Variants in CDH4 observed in about 807,000 individuals in gnomAD.
The protein encoded by CDH4 is cadherin-4.
CDH4 carries 33 observed loss-of-function variants against 86.0 expected under a neutral mutation model. The observed-to-expected ratio is 0.38, with a 90% CI of 0.29 to 0.51. CDH4 has a LOEUF of 0.51. CDH4 is among the 20% of genes least tolerant of loss of function. The pLI is 0.86. For missense variants in CDH4, 1,114 were observed against 1,307.4 expected, an observed-to-expected ratio of 0.85 and a Z score of 2.28; for synonymous variants, 555 against 549.4, an observed-to-expected ratio of 1.01 and a Z score of -0.14.
At chr20:61,716,447 G>C (rs773014116) in intron 2 of CDH4, among the ~76,000 whole-genome samples, 2 of 148,644 alleles carry the variant, frequency 1.3e-5, no homozygotes, top group African/African-American at 2.6e-5. Flanking sequence ...TGGGGCTTTG[G>C]GGGCAGGACC....
At chr20:61,295,751 C>A (rs917654478) in intron 2 of CDH4, among the ~76,000 whole-genome samples, 2 of 152,158 alleles carry the variant, frequency 1.3e-5, no homozygotes, top group Admixed American at 6.5e-5. Flanking sequence ...GGTGGCCAGG[C>A]AGACCCCTGT....
chr20:61,330,452 T>G lies in CDH4; in HGVS notation c.169+75515T>G, dbSNP rs938044757. ...ATCTCATTGTGGTTTTGATTTGCAT[T>G]TCTCTAATGATCAGTGATGTTGAGC... is the stretch of plus-strand genomic sequence containing the variant. On this transcript the variant is annotated intron_variant, in intron 2 of 15. Coordinates refer to ENST00000614565, the MANE Select transcript of CDH4 (RefSeq NM_001794.5). Among the ~76,000 whole-genome samples the G allele has an allele frequency of 2.0e-5, 3 of 152,246 alleles. No individual in the cohort carries two copies. In the East Asian group the frequency reaches 5.8e-4, roughly 29 times the overall value.
chr20:61,271,753 C>T (rs1387688562), intron 2 of CDH4, among the ~76,000 whole-genome samples: 1 of 152,204 alleles, frequency 6.6e-6, no homozygotes, highest in Non-Finnish European at 1.5e-5. Flanking sequence ...GTGCCCCTCA[C>T]GAGATGGTTC....
chr20:61,704,718 C>T (rs1481779352), intron 2 of CDH4, among the ~76,000 whole-genome samples: 1 of 152,174 alleles, frequency 6.6e-6, no homozygotes, highest in African/African-American at 2.4e-5. Context: ...TCTACGGTGT[C>T]AGCCGGGATG....
chr20:61,373,844 C>T (rs1600912238), intron 2 of CDH4, among the ~76,000 whole-genome samples: 1 of 152,182 alleles, frequency 6.6e-6, no homozygotes, highest in African/African-American at 2.4e-5. Flanking sequence ...TGCACAGCAG[C>T]TTGAAGAAGT....
chr20:61,817,263 T>C (rs979782949), intron 4 of CDH4, among the ~76,000 whole-genome samples: 2 of 152,166 alleles, frequency 1.3e-5, no homozygotes, highest in African/African-American at 4.8e-5. Context: ...GGCCCCCGAG[T>C]GAGTGCCCCT....
At chr20:61,406,484 C>A (rs2085083593) in intron 2 of CDH4, among the ~76,000 whole-genome samples, 1 of 147,360 alleles carries the variant, frequency 6.8e-6, no homozygotes, top group Admixed American at 6.7e-5. Context: ...GGACCACCAT[C>A]TGCCATCTGC....
chr20:61,705,131 C>G (rs2087815840), intron 2 of CDH4, among the ~76,000 whole-genome samples: 1 of 152,182 alleles, frequency 6.6e-6, no homozygotes, highest in African/African-American at 2.4e-5. Flanking sequence ...GGGCCTTGTG[C>G]CTAGACCTAG....
intron 2 of CDH4, among the ~76,000 whole-genome samples, chr20:61,438,342 G>A (rs185713070): frequency 5.9e-5 from 9 of 152,242 alleles, no homozygotes; most frequent in Admixed American, 3.3e-4. Context: ...TCTATACCCC[G>A]TGCAATTTGA....
chr20:61,885,144 G>A (rs537732020), intron 7 of CDH4, among the ~76,000 whole-genome samples: 23 of 152,276 alleles, frequency 1.5e-4, no homozygotes, highest in Admixed American at 2.6e-4. Flanking sequence ...TAGCACGTTC[G>A]TGCCTGTGCC....
At chr20:61,507,399 T>G (rs1245461919) in intron 2 of CDH4, among the ~76,000 whole-genome samples, 1 of 152,148 alleles carries the variant, frequency 6.6e-6, no homozygotes, top group African/African-American at 2.4e-5. Context: ...GGAATCCAAA[T>G]GGAGATGGAG....
chr20:61,844,694 C>T lies in CDH4; in HGVS notation c.603C>T (p.Ile201=), dbSNP rs34912551. The part of the protein sequence containing the change: ...VRIRSDKDND[I]PIRYSITGVG... Reference sequence around the variant, plus strand: ...TCCGGTCCGACAAAGACAATGACATCCCCATCCGGTACAGCATCACGGGAG... The same window carrying T: ...TCCGGTCCGACAAAGACAATGACATTCCCATCCGGTACAGCATCACGGGAG... Residue 201 remains isoleucine (I), a synonymous_variant, in exon 5 of 16, where the codon ATC becomes ATT. Coordinates refer to ENST00000614565, the MANE Select transcript of CDH4 (RefSeq NM_001794.5). 68,121 of 1,613,130 alleles carry T rather than the reference C, an allele frequency of 0.042. 1,697 individuals are homozygous for T. Among genetic ancestry groups the T allele is most frequent in the Non-Finnish European group, 0.05 (59,177 of 1,179,266 alleles).
intron 2 of CDH4, among the ~76,000 whole-genome samples, chr20:61,507,988 C>T (rs949728882): frequency 3.9e-5 from 6 of 152,234 alleles, no homozygotes; most frequent in African/African-American, 1.2e-4. Context: ...GCCGGGAAGA[C>T]GTCGCTGTCA....
At chr20:61,338,700 T>G (rs2084633121) in intron 2 of CDH4, among the ~76,000 whole-genome samples, 1 of 152,180 alleles carries the variant, frequency 6.6e-6, no homozygotes, top group Non-Finnish European at 1.5e-5. Context: ...ATGCAGAGAT[T>G]TAAATTAGAA....
intron 6 of CDH4, among the ~76,000 whole-genome samples, chr20:61,856,667 C>T (rs937565644): frequency 1.3e-5 from 2 of 152,130 alleles, no homozygotes; most frequent in Non-Finnish European, 2.9e-5. Flanking sequence ...GTCCTGTGTG[C>T]ACCCCACACT....
intron 4 of CDH4, among the ~76,000 whole-genome samples, chr20:61,803,587 G>A (rs1257560102): frequency 2.0e-5 from 3 of 152,232 alleles, no homozygotes; most frequent in African/African-American, 7.2e-5. Flanking sequence ...TACCGCGGGC[G>A]AGCCGCAGGC....
rs531717839 is a variant in CDH4, at chr20:61,519,541, A to G, written c.170-224022A>G. ...GTACATTTTCTCCAAAGGCATTGTG[A>G]TGTGACGGGTCTGTGTTCAGGCTCC... On this transcript the variant is annotated intron_variant, in intron 2 of 15. Transcript: ENST00000614565. Among the ~76,000 whole-genome samples the G allele has an allele frequency of 9.8e-5, 15 of 152,316 alleles. No individual in the cohort carries two copies. In the South Asian group the frequency reaches 3.1e-3, roughly 32 times the overall value.
intron 5 of CDH4, among the ~76,000 whole-genome samples, chr20:61,852,188 G>T (rs1046183256): frequency 6.6e-6 from 1 of 151,678 alleles, no homozygotes; most frequent in African/African-American, 2.4e-5. Flanking sequence ...AGGGCACACA[G>T]ACGCAGAGGA....
chr20:61,851,888 A>G (rs1317423083), intron 5 of CDH4, among the ~76,000 whole-genome samples: 1 of 152,170 alleles, frequency 6.6e-6, no homozygotes, highest in Non-Finnish European at 1.5e-5. Flanking sequence ...GGGCAGCCAC[A>G]CTGCCTTCAG....
Sources: allele counts gnomAD v4.1 joint callset (sites outside exome capture counted in the v4.1 genomes callset), GRCh38; gene constraint gnomAD v4.1.1; transcripts MANE v1.5; gene names NCBI Gene and HGNC (gene_info 2026-07-23, HGNC 2026-07-21).